Variants in NAV2 observed in about 807,000 individuals in gnomAD.
The protein encoded by NAV2 is helicase, APC down-regulated 1.
A neutral mutation model predicts 223.2 loss-of-function variants in NAV2; 54 were observed. That is an observed-to-expected ratio of 0.24 (90% confidence interval 0.19 to 0.30). The LOEUF (loss-of-function observed/expected upper bound fraction) is 0.30. NAV2 is among the 10% of genes least tolerant of loss of function. The probability of loss-of-function intolerance (pLI) is 1.00; values close to 1 mark genes in which losing one functional copy is unlikely to be tolerated. For synonymous variants in NAV2, 1,279 were observed against 1,239.3 expected, an observed-to-expected ratio of 1.03 and a Z score of -0.67; for missense variants, 2,806 against 3,147.5, an observed-to-expected ratio of 0.89 and a Z score of 2.60.
At chr11:19,687,785 G>A (rs2049064382) in intron 1 of NAV2, among the ~76,000 whole-genome samples, 3 of 151,058 alleles carry the variant, frequency 2.0e-5, no homozygotes, top group Admixed American at 2.0e-4. Flanking sequence ...GTATGCATGC[G>A]TGTGTGTGTG....
At chr11:19,571,447 C>T (rs2045420971) in intron 1 of NAV2, among the ~76,000 whole-genome samples, 1 of 152,234 alleles carries the variant, frequency 6.6e-6, no homozygotes, top group Middle Eastern at 3.2e-3. Flanking sequence ...ACAGTGCCAG[C>T]CTGTAATCCC....
At chr11:19,711,736 A>C (rs1323917524), upstream of NAV2, 1 of 152,244 alleles carries the variant, frequency 6.6e-6, no homozygotes, top group Non-Finnish European at 1.5e-5. Flanking sequence ...ATTTAACAAC[A>C]GGGAAAATAA....
chr11:20,071,804 G>T (rs1261640425), intron 22 of NAV2, among the ~76,000 whole-genome samples: 1 of 152,086 alleles, frequency 6.6e-6, no homozygotes, highest in Admixed American at 6.5e-5. Context: ...TTGTAAATTT[G>T]TTTAAGTTCT....
intron 2 of NAV2, among the ~76,000 whole-genome samples, chr11:19,840,487 A>G (rs2152936275): frequency 6.6e-6 from 1 of 152,322 alleles, no homozygotes; most frequent in African/African-American, 2.4e-5. Flanking sequence ...CTAATGCTGA[A>G]CTGGGTATTG....
chr11:19,869,886 C>T (rs1410665137), intron 4 of NAV2, among the ~76,000 whole-genome samples: 1 of 152,214 alleles, frequency 6.6e-6, no homozygotes, highest in East Asian at 1.9e-4. Context: ...AGTTTGCAAG[C>T]ATGATGGATT....
In NAV2 at chr11:20,103,476, C is replaced by A. The variant is rs564499304; in HGVS notation, c.6572+67C>A. On this transcript the variant is annotated intron_variant, in intron 33 of 37. Coordinates refer to ENST00000349880, the MANE Select transcript of NAV2 (RefSeq NM_145117.5). ...TGCTGCCAGCTGATGGGGCACTGTG[C>A]ACACAGGTGGCCCGGGGCCGTTGTG... 4.2e-5 allele frequency: 66 copies of A among 1,564,962 alleles called. No individual in the cohort carries two copies. The African/African-American group carries it at 7.5e-4, about 18-fold the overall frequency.
intron 1 of NAV2, among the ~76,000 whole-genome samples, chr11:19,799,687 T>C (rs2058122362): frequency 6.6e-6 from 1 of 152,132 alleles, no homozygotes. Flanking sequence ...TTTACTTGTT[T>C]TTCCTGCAGA....
At chr11:20,064,150 G>T (rs1213314369) in intron 20 of NAV2, among the ~76,000 whole-genome samples, 1 of 152,306 alleles carries the variant, frequency 6.6e-6, no homozygotes, top group East Asian at 1.9e-4. Flanking sequence ...CATAGAGATG[G>T]TCTTTCAGCT....
intron 1 of NAV2, among the ~76,000 whole-genome samples, chr11:19,524,175 A>T (rs1217262474): frequency 1.3e-5 from 2 of 152,170 alleles, no homozygotes; most frequent in African/African-American, 2.4e-5. Flanking sequence ...GGCATTTGAC[A>T]TGGTGGCCAC....
chr11:20,101,109 A>T lies in NAV2; in HGVS notation c.6354A>T (p.Arg2118=). The T allele has an allele frequency of 6.2e-7, 1 of 1,614,136 alleles. No individual in the cohort carries two copies. The highest frequency in any genetic ancestry group is 8.5e-7 in the Non-Finnish European group (1 of 1,180,028). Reference sequence around the variant, plus strand: ...GGCTGTCTGAGTATATAGTGCTTCGAGAGGGACGGGAGTTGACAGACGGGG... The same window carrying T: ...GGCTGTCTGAGTATATAGTGCTTCGTGAGGGACGGGAGTTGACAGACGGGG... ...ANRLSEYIVL[R]EGRELTDGVI... The change falls in exon 32 of 38, where the codon CGA becomes CGT. Residue 2118 remains arginine (R), a synonymous_variant. Coordinates refer to ENST00000349880, the MANE Select transcript of NAV2 (RefSeq NM_145117.5).
rs544003146 is a variant in NAV2 at position 19,364,921 on chromosome 11, C to T, written c.75+13894C>T. Among the ~76,000 whole-genome samples, 16 of 152,330 alleles carry T rather than the reference C, an allele frequency of 1.1e-4. No individual in the cohort carries two copies. In the South Asian group the frequency reaches 3.1e-3, roughly 30 times the overall value. Reference sequence around the variant, plus strand: ...CTATGCAAAGCTAGGTTTACCCATACAACAATATTTCGGTTTTCGTTCGTT... The same window carrying T: ...CTATGCAAAGCTAGGTTTACCCATATAACAATATTTCGGTTTTCGTTCGTT... On this transcript the variant is annotated intron_variant, in intron 1 of 37. Coordinates refer to the NAV2 transcript ENST00000360655.
chr11:19,874,534 G>A (rs1026128010), intron 4 of NAV2, among the ~76,000 whole-genome samples: 6 of 152,286 alleles, frequency 3.9e-5, no homozygotes, highest in South Asian at 2.1e-4. Flanking sequence ...CATTCTTGTG[G>A]GGCTTTGGGG....
chr11:19,409,944 A>T (rs1462003955), intron 1 of NAV2, among the ~76,000 whole-genome samples: 1 of 152,112 alleles, frequency 6.6e-6, no homozygotes, highest in Non-Finnish European at 1.5e-5. Context: ...ATTCAGTGGG[A>T]AGAAGTGGGA....
At chr11:19,740,473 G>A (rs981343787) in intron 1 of NAV2, among the ~76,000 whole-genome samples, 1 of 152,072 alleles carries the variant, frequency 6.6e-6, no homozygotes. Context: ...CTTTGTTCAC[G>A]TGTTTATCTG....
intron 10 of NAV2, among the ~76,000 whole-genome samples, chr11:19,956,238 C>T (rs1408982474): frequency 6.6e-6 from 1 of 152,186 alleles, no homozygotes; most frequent in Non-Finnish European, 1.5e-5. Flanking sequence ...CCCCACACAA[C>T]CAATTCTCCT....
intron 1 of NAV2, among the ~76,000 whole-genome samples, chr11:19,754,444 G>A (rs369135117): frequency 6.6e-6 from 1 of 152,342 alleles, no homozygotes; most frequent in South Asian, 2.1e-4. Context: ...AGATGAAGAA[G>A]TGGTGAAGGA....
intron 1 of NAV2, among the ~76,000 whole-genome samples, chr11:19,368,591 C>T (rs1275701820): frequency 2.0e-5 from 3 of 152,094 alleles, no homozygotes; most frequent in African/African-American, 7.2e-5. Context: ...TAGATGAGGT[C>T]ATATTTGTGA....
intron 1 of NAV2, among the ~76,000 whole-genome samples, chr11:19,630,261 T>C (rs1243324387): frequency 6.6e-6 from 1 of 152,226 alleles, no homozygotes; most frequent in African/African-American, 2.4e-5. Flanking sequence ...ACATAAAGCC[T>C]ACCTGGCTTA....
intron 1 of NAV2, among the ~76,000 whole-genome samples, chr11:19,463,442 C>T (rs568092963): frequency 1.2e-4 from 19 of 152,224 alleles, no homozygotes; most frequent in Non-Finnish European, 2.8e-4. Flanking sequence ...GCTCAATGTG[C>T]AACTTTAGCC....
Sources: gnomAD v4.1 joint callset for allele counts (sites outside exome capture counted in the v4.1 genomes callset) on GRCh38, gnomAD v4.1.1 for gene constraint, MANE v1.5 for transcripts, NCBI Gene and HGNC (gene_info 2026-07-23, HGNC 2026-07-21) for gene names.